Variants in EFCAB6 observed in about 807,000 individuals in gnomAD.
The protein encoded by EFCAB6 is EF-hand calcium-binding domain-containing protein 6.
A neutral mutation model predicts 169.8 loss-of-function variants in EFCAB6; 156 were observed. The observed-to-expected ratio is 0.92, with a 90% confidence interval of 0.81 to 1.05. The LOEUF (loss-of-function observed/expected upper bound fraction) is 1.05. EFCAB6 is among the 50% of genes least tolerant of loss of function. EFCAB6 has a pLI of 0.00. For synonymous variants in EFCAB6, 698 were observed against 676.4 expected (o/e 1.03, Z -0.50); for missense variants, 1,800 against 1,829.1 (o/e 0.98, Z 0.29).
intron 2 of EFCAB6, among the ~76,000 whole-genome samples, chr22:43,784,574 C>CACTATATATGTAT (rs1569487338): frequency 1.8e-5 from 1 of 54,802 alleles, no homozygotes; most frequent in South Asian, 7.6e-4. Context: ...TATATGTGTA[C>CACTATATATGTAT]ATATACACAT....
intron 7 of EFCAB6, among the ~76,000 whole-genome samples, chr22:43,734,729 T>C (rs1451175278): frequency 5.9e-5 from 9 of 151,762 alleles, no homozygotes; most frequent in African/African-American, 1.9e-4. Flanking sequence ...AGGTGGGTTA[T>C]AAAGAGAAAA....
chr22:43,608,672 G>A lies in EFCAB6; in HGVS notation c.2563-72C>T, dbSNP rs1192902321. The A allele has an allele frequency of 1.3e-5, 18 of 1,426,822 alleles. No homozygotes were observed. The African/African-American group carries it at 2.2e-4, about 18-fold the overall frequency. 88.4% of individuals were successfully genotyped at this position (1,426,822 alleles called of 1,614,324 possible). Reference sequence around the variant, plus strand: ...TGACAGCAGAAAAGATGTTCAATTAGTCAATATGTGGGAAACTCTAAGGCA... The same window carrying A: ...TGACAGCAGAAAAGATGTTCAATTAATCAATATGTGGGAAACTCTAAGGCA... On this transcript the variant is annotated intron_variant, in intron 21 of 31. Coordinates refer to ENST00000262726, the MANE Select transcript of EFCAB6 (RefSeq NM_022785.4).
intron 20 of EFCAB6, among the ~76,000 whole-genome samples, chr22:43,618,223 A>G (rs112933085): frequency 0.027 from 2,534 of 94,878 alleles, 61 homozygotes; most frequent in Middle Eastern, 0.062. Flanking sequence ...AGAAAGAAAG[A>G]GAAAGAAAGA....
rs950952757 is a variant in EFCAB6 at position 43,537,313 on chromosome 22, T to A, written c.4048+64A>T. The A allele has an allele frequency of 2.9e-5, 46 of 1,574,970 alleles. No homozygotes were observed. Among genetic ancestry groups the A allele is most frequent in the Non-Finnish European group, 3.8e-5 (44 of 1,157,572 alleles). On this transcript the variant is annotated intron_variant, in intron 29 of 31. Transcript: ENST00000262726. The surrounding 1 kb of genome is among the most constrained non-coding windows in gnomAD (Gnocchi z 4.3). ...ACCCGGGGTGTGGCTTTGTACCCAG[T>A]GGGAACAGCCTCTTGCCACAGGGGC...
chr22:43,777,281 C>A lies in EFCAB6; in HGVS notation c.140-4178G>T, dbSNP rs551809048. 2.4e-3 allele frequency among the ~76,000 whole-genome samples: 371 copies of A among 152,304 alleles called. 1 individual carries two copies. Among genetic ancestry groups the A allele is most frequent in the Non-Finnish European group, 4.2e-3 (284 of 68,036 alleles). On this transcript the variant is annotated intron_variant, in intron 3 of 31. Transcript: ENST00000262726. ...TTAGATGCGGTGCACGCAGAAAGGT[C>A]CGCGAGGCAACTGGATATACGATCG... is the stretch of plus-strand genomic sequence containing the variant.
chr22:43,743,696 C>G (rs767123177), intron 6 of EFCAB6, among the ~76,000 whole-genome samples: 1 of 152,160 alleles, frequency 6.6e-6, no homozygotes, highest in Non-Finnish European at 1.5e-5. Flanking sequence ...GAATATTAAG[C>G]GGCTGAAACG....
intron 22 of EFCAB6, among the ~76,000 whole-genome samples, chr22:43,607,703 T>C (rs376579813): frequency 5.9e-5 from 9 of 152,290 alleles, no homozygotes; most frequent in Admixed American, 6.5e-5. Flanking sequence ...ATCTGGGAAA[T>C]GGTATGAACT....
Position 43,658,223 on chromosome 22 carries a change from C to T in EFCAB6, c.1983+8881G>A, listed in dbSNP as rs542390820. ...CTCCAGCCTGGGCGACGGAGCAAAA[C>T]TCTGTCTCAAAAATATAAAATAAAA... On this transcript the variant is annotated intron_variant, in intron 17 of 31. Transcript: ENST00000262726. Among the ~76,000 whole-genome samples the T allele has an allele frequency of 3.3e-5, 5 of 152,100 alleles. No homozygotes were observed. The South Asian group carries it at 1.0e-3, about 32-fold the overall frequency.
At chr22:43,715,196 G>A (rs539346772) in intron 9 of EFCAB6, among the ~76,000 whole-genome samples, 103 of 152,264 alleles carry the variant, frequency 6.8e-4, no homozygotes, top group African/African-American at 2.4e-3. Flanking sequence ...AGTCTTGCGG[G>A]AAGGAAATGT....
chr22:43,729,817 C>T (rs1474490851), intron 8 of EFCAB6, among the ~76,000 whole-genome samples: 2 of 151,952 alleles, frequency 1.3e-5, no homozygotes, highest in Non-Finnish European at 2.9e-5. Context: ...TAGGATAGAC[C>T]TTGGTGAAAA....
intron 2 of EFCAB6, among the ~76,000 whole-genome samples, chr22:43,805,734 A>G (rs184243901): frequency 1.3e-5 from 2 of 152,368 alleles, no homozygotes; most frequent in East Asian, 3.9e-4. Flanking sequence ...GAAAAGACAA[A>G]TATCTCAGGT....
rs553031164 is a variant in EFCAB6 at position 43,790,874 on chromosome 22, A to C, written c.-7-8549T>G. On this transcript the variant is annotated intron_variant, in intron 2 of 31. Coordinates refer to ENST00000262726, the MANE Select transcript of EFCAB6 (RefSeq NM_022785.4). The stretch of plus-strand genomic sequence containing the variant: ...TGATCAGATTCCAGCCACATTCTGA[A>C]GGAGGAGTCCATCATACTCTGGTAG... 2.6e-5 allele frequency among the ~76,000 whole-genome samples: 4 copies of C among 152,358 alleles called. No individual in the cohort carries two copies. In the East Asian group the frequency reaches 7.7e-4, roughly 29 times the overall value.
chr22:43,697,855 A>C (rs2058631287), intron 10 of EFCAB6, among the ~76,000 whole-genome samples: 1 of 152,180 alleles, frequency 6.6e-6, no homozygotes. Context: ...CAGACTTGTC[A>C]CACTGTTCCC....
At chr22:43,764,338 A>G (rs1208992915) in intron 5 of EFCAB6, among the ~76,000 whole-genome samples, 2 of 152,186 alleles carry the variant, frequency 1.3e-5, no homozygotes, top group Non-Finnish European at 2.9e-5. Context: ...TTTGCTTAGT[A>G]TAATGGCCTC....
At chr22:43,578,000 C>T (rs1407207031) in intron 25 of EFCAB6, among the ~76,000 whole-genome samples, 1 of 152,060 alleles carries the variant, frequency 6.6e-6, no homozygotes, top group Non-Finnish European at 1.5e-5. Flanking sequence ...AGTCATGACA[C>T]TAACTAAGGT....
At position 43,795,539 on chromosome 22, in the gene EFCAB6, T is replaced by C. The variant is rs1192014992; in HGVS notation, c.-7-13214A>G. ...CCGATTCCTCTGCCTTGAGACCTCC[T>C]GGAACATCACTTTCTGGAGAGGCTT... On this transcript the variant is annotated intron_variant, in intron 2 of 31. Transcript: ENST00000262726. This position sits in a 1 kb window ranked among gnomAD's most constrained non-coding sequence, Gnocchi z 4.2. Among the ~76,000 whole-genome samples, 4 of 151,658 alleles carry C rather than the reference T, an allele frequency of 2.6e-5. No individual in the cohort carries two copies. The highest frequency in any genetic ancestry group is 2.0e-4 in the Admixed American group (3 of 15,204).
At chr22:43,559,973 T>A (rs894408889) in intron 26 of EFCAB6, among the ~76,000 whole-genome samples, 1 of 152,194 alleles carries the variant, frequency 6.6e-6, no homozygotes, top group Non-Finnish European at 1.5e-5. Flanking sequence ...GGCACATGTA[T>A]ACCTATGTAA....
intron 6 of EFCAB6, among the ~76,000 whole-genome samples, chr22:43,737,782 TTCATAC>T (rs899943746): frequency 7.0e-6 from 1 of 142,898 alleles, no homozygotes; most frequent in African/African-American, 2.8e-5. Flanking sequence ...CACACACATA[TTCATAC>T]ACACACACAC....
chr22:43,673,861 A>G (rs1478264443), intron 13 of EFCAB6, among the ~76,000 whole-genome samples: 2 of 151,800 alleles, frequency 1.3e-5, no homozygotes, highest in Non-Finnish European at 2.9e-5. Flanking sequence ...GACAATATAG[A>G]CTAAAACGTC....
Sources: allele counts gnomAD v4.1 joint callset (sites outside exome capture counted in the v4.1 genomes callset), GRCh38; gene constraint gnomAD v4.1.1; non-coding constraint Gnocchi (gnomAD v3.1); transcripts MANE v1.5; gene names NCBI Gene and HGNC (gene_info 2026-07-23, HGNC 2026-07-21).